The following MGAT5 variants were observed in gnomAD, a reference collection of about 807,000 sequenced individuals.
MGAT5 encodes the protein alpha-1,6-mannosylglycoprotein 6-beta-N-acetylglucosaminyltransferase A.
Under a neutral mutation model 94.3 loss-of-function variants are expected in MGAT5, and 30 were observed. The ratio of observed to expected loss-of-function variants is 0.32; its 90% CI spans 0.24 to 0.43. The LOEUF is 0.43. Among genes scored for constraint, MGAT5 ranks in the 20% least tolerant of loss-of-function variants. MGAT5 has a pLI of 1.00. For missense variants in MGAT5, 691 were observed against 905.5 expected (o/e 0.76, Z 3.04); for synonymous variants, 310 against 322.9 (o/e 0.96, Z 0.43).
chr2:134,336,174 T>C, intron 4 of MGAT5, 43 bp from the exon 5 acceptor site: 1 of 1,505,122 alleles, frequency 6.6e-7, no homozygotes, highest in Non-Finnish European at 9.2e-7. Context: ...TATTAATTCA[T>C]TATAGATGAA....
intron 1 of MGAT5, among the ~76,000 whole-genome samples, chr2:134,127,802 G>A (rs954189343): frequency 6.6e-6 from 1 of 152,152 alleles, no homozygotes; most frequent in African/African-American, 2.4e-5. Context: ...GGTTCTACTA[G>A]TGTGCCTGCG....
chr2:134,195,522 A>G (rs894059899), intron 1 of MGAT5, among the ~76,000 whole-genome samples: 4 of 152,194 alleles, frequency 2.6e-5, no homozygotes, highest in African/African-American at 9.7e-5. Context: ...ATATCCCATA[A>G]TACCCTGTTT....
chr2:134,416,285 C>T (rs955307476), intron 12 of MGAT5, among the ~76,000 whole-genome samples: 7 of 152,130 alleles, frequency 4.6e-5, no homozygotes, highest in South Asian at 2.1e-4. Context: ...AACACTAACT[C>T]CCCATTCTCC....
At chr2:134,288,332 C>T (rs777718147) in intron 2 of MGAT5, among the ~76,000 whole-genome samples, 36 of 152,284 alleles carry the variant, frequency 2.4e-4, no homozygotes, top group African/African-American at 6.5e-4. Context: ...TGGCAAATGA[C>T]GGCCTGTGCG....
rs111905109 is a variant in MGAT5, at chr2:134,254,895, G to A, written c.241+251G>A. ...GTATAGTTAGGGCTCTATTGGTTGT[G>A]TTTGCAGCTAGCTCCTTCTCCCTGA... On this transcript the variant is annotated intron_variant, in intron 1 of 15. Coordinates refer to ENST00000281923, the MANE Select transcript of MGAT5 (RefSeq NM_002410.5). 3.8e-3 allele frequency among the ~76,000 whole-genome samples: 579 copies of A among 152,310 alleles called. 6 individuals carry two copies. Among genetic ancestry groups the A allele is most frequent in the African/African-American group, 0.013 (529 of 41,556 alleles).
At chr2:134,186,690 G>A (rs111452884) in intron 1 of MGAT5, among the ~76,000 whole-genome samples, 3,977 of 152,198 alleles carry the variant, frequency 0.026, 167 homozygotes, top group African/African-American at 0.09. Context: ...TAGCATGGAT[G>A]CCCAGGATTG....
chr2:134,245,076 G>A (rs1190575847), intron 1 of MGAT5, among the ~76,000 whole-genome samples: 9 of 152,304 alleles, frequency 5.9e-5, no homozygotes, highest in African/African-American at 1.4e-4. Flanking sequence ...GCAGTGGCGC[G>A]ATCTCGGCTC....
chr2:134,170,237 C>T (rs534250621), intron 1 of MGAT5, among the ~76,000 whole-genome samples: 5 of 152,350 alleles, frequency 3.3e-5, no homozygotes, highest in African/African-American at 1.2e-4. Context: ...ACTGCACTTA[C>T]TAGAGTTACA....
At chr2:134,339,787 T>C (rs529342505) in intron 6 of MGAT5, among the ~76,000 whole-genome samples, 1 of 152,312 alleles carries the variant, frequency 6.6e-6, no homozygotes, top group South Asian at 2.1e-4. Flanking sequence ...GAACTGACTA[T>C]ATATCCATCC....
rs538788067 is a variant in MGAT5, at chr2:134,157,395, A to G, written c.-143+37104A>G. 2.3e-4 allele frequency among the ~76,000 whole-genome samples: 35 copies of G among 152,268 alleles called. No individual in the cohort carries two copies. The East Asian group carries it at 6.2e-3, about 27-fold the overall frequency. ...TAAAAAAGCTTGTGAAACATTTGCAAAGTGCTTGGGGGTTTAGTAAGCCCT... is the reference window on the plus strand; with the variant it reads ...TAAAAAAGCTTGTGAAACATTTGCAGAGTGCTTGGGGGTTTAGTAAGCCCT... On this transcript the variant is annotated intron_variant, in intron 1 of 16. Transcript: ENST00000409645.
chr2:134,326,692 C>A (rs1573812662), intron 4 of MGAT5, among the ~76,000 whole-genome samples: 1 of 152,010 alleles, frequency 6.6e-6, no homozygotes, highest in African/African-American at 2.4e-5. Context: ...AGATAGCTAG[C>A]AACATCAAAA....
chr2:134,225,103 T>C (rs931387768), intron 1 of MGAT5, among the ~76,000 whole-genome samples: 1 of 119,364 alleles, frequency 8.4e-6, no homozygotes, highest in Non-Finnish European at 1.8e-5. Flanking sequence ...AAAAAAAAAA[T>C]GCGGTGGAAA....
chr2:134,254,119 C>G lies in MGAT5; in HGVS notation c.-285C>G. 1.8e-6 allele frequency: 1 copy of G among 559,954 alleles called. No individual in the cohort carries two copies. Among genetic ancestry groups the G allele is most frequent in the Non-Finnish European group, 3.1e-6 (1 of 318,662 alleles). The allele number at this position is 559,954 out of a possible 1,614,324, so 34.7% of individuals were successfully genotyped here. A position where few individuals can be genotyped will look rare whatever the true frequency, so the allele number is the denominator to read the frequency against. ...CCTAGCCAGATTTCCCCTCAGCTTA[C>G]AGTTCCTGAATCATAAGATATTGAA... On this transcript the variant is annotated 5_prime_UTR_variant, in exon 1 of 16. Transcript: ENST00000281923.
chr2:134,389,005 C>T (rs1369983676), intron 10 of MGAT5, among the ~76,000 whole-genome samples: 2 of 152,150 alleles, frequency 1.3e-5, no homozygotes, highest in East Asian at 3.9e-4. Flanking sequence ...CAGTGATCGG[C>T]CTGCCTCGGC....
chr2:134,315,276 C>T (rs1364451422), intron 2 of MGAT5, among the ~76,000 whole-genome samples: 2 of 152,074 alleles, frequency 1.3e-5, no homozygotes, highest in Admixed American at 1.3e-4. Context: ...ACCAAGTACC[C>T]CCTAAAATGT....
intron 1 of MGAT5, among the ~76,000 whole-genome samples, chr2:134,146,150 A>G (rs1049604463): frequency 6.6e-6 from 1 of 152,208 alleles, no homozygotes; most frequent in Admixed American, 6.5e-5. Flanking sequence ...TCCCCATTAA[A>G]TGCCTTAATT....
intron 10 of MGAT5, among the ~76,000 whole-genome samples, chr2:134,384,879 A>G (rs534796687): frequency 6.6e-6 from 1 of 152,220 alleles, no homozygotes; most frequent in Admixed American, 6.5e-5. Flanking sequence ...CTTTACCTTT[A>G]AAAAGGTCAA....
intron 1 of MGAT5, among the ~76,000 whole-genome samples, chr2:134,139,052 C>G (rs1181091502): frequency 6.6e-6 from 1 of 152,160 alleles, no homozygotes; most frequent in Non-Finnish European, 1.5e-5. Context: ...GAGTTCTGCT[C>G]TAAGAATACA....
intron 1 of MGAT5, among the ~76,000 whole-genome samples, chr2:134,193,397 A>G (rs1679328593): frequency 6.6e-6 from 1 of 152,200 alleles, no homozygotes; most frequent in South Asian, 2.1e-4. Context: ...GATTATAGAC[A>G]TGTACCACAT....
Sources: gnomAD v4.1 joint callset for allele counts (sites outside exome capture counted in the v4.1 genomes callset) on GRCh38, gnomAD v4.1.1 for gene constraint, MANE v1.5 for transcripts, NCBI Gene and HGNC (gene_info 2026-07-23, HGNC 2026-07-21) for gene names.